NAALADL2: variants seen among roughly 807,000 people sequenced by gnomAD.
The protein encoded by NAALADL2 is inactive N-acetylated-alpha-linked acidic dipeptidase-like protein 2.
Under a neutral mutation model 87.2 loss-of-function variants are expected in NAALADL2, and 76 were observed. That is an observed-to-expected ratio of 0.87 (90% CI 0.72 to 1.05). NAALADL2 has a LOEUF of 1.05. Among genes scored for constraint, NAALADL2 ranks in the 50% least tolerant of loss-of-function variants. The probability of loss-of-function intolerance (pLI) is 0.00; values close to 1 mark genes in which losing one functional copy is unlikely to be tolerated. For missense variants in NAALADL2, 1,089 were observed against 945.8 expected (o/e 1.15, Z -1.99); for synonymous variants, 354 against 331.0 (o/e 1.07, Z -0.75).
At chr3:174,968,017 C>A (rs1436354331) in intron 1 of NAALADL2, among the ~76,000 whole-genome samples, 3 of 152,172 alleles carry the variant, frequency 2.0e-5, no homozygotes, top group African/African-American at 4.8e-5. Context: ...TATTTTAAGT[C>A]TCCCTTCACC....
chr3:175,017,869 T>C (rs73883308), intron 1 of NAALADL2, among the ~76,000 whole-genome samples: 6,732 of 152,176 alleles, frequency 0.044, 481 homozygotes, highest in African/African-American at 0.15. Flanking sequence ...TGGGCAGCTT[T>C]TGAGACACAT....
chr3:175,148,291 G>A (rs1161306099), intron 2 of NAALADL2, among the ~76,000 whole-genome samples: 1 of 151,442 alleles, frequency 6.6e-6, no homozygotes, highest in South Asian at 2.1e-4. Flanking sequence ...TTTTTAATGG[G>A]GTTATTGGTT....
At chr3:175,089,174 T>C (rs537190684) in intron 1 of NAALADL2, among the ~76,000 whole-genome samples, 4 of 151,724 alleles carry the variant, frequency 2.6e-5, no homozygotes, top group Non-Finnish European at 4.4e-5. Context: ...GGAGGGAAAA[T>C]AAAAAGATCT....
At chr3:174,711,921 T>A (rs1220289999) in intron 2 of NAALADL2, among the ~76,000 whole-genome samples, 1 of 152,156 alleles carries the variant, frequency 6.6e-6, no homozygotes, top group East Asian at 1.9e-4. Flanking sequence ...TGCCTCAGCC[T>A]CCCGAGTAGC....
At chr3:175,741,618 C>A (rs138781402) in intron 12 of NAALADL2, among the ~76,000 whole-genome samples, 2,066 of 151,588 alleles carry the variant, frequency 0.014, 59 homozygotes, top group South Asian at 0.13. Flanking sequence ...AAGTGAAAAA[C>A]CATGAAAATA....
intron 11 of NAALADL2, among the ~76,000 whole-genome samples, chr3:175,716,681 A>C (rs1405919896): frequency 2.0e-5 from 3 of 152,104 alleles, no homozygotes; most frequent in Admixed American, 1.3e-4. Context: ...GAGAGTGAAG[A>C]CCAGATTGTT....
intron 5 of NAALADL2, among the ~76,000 whole-genome samples, chr3:175,366,286 C>G (rs1011430688): frequency 6.6e-6 from 1 of 151,138 alleles, no homozygotes; most frequent in African/African-American, 2.4e-5. Context: ...GGTTCCAAGT[C>G]TTTGCTATTG....
intron 1 of NAALADL2, among the ~76,000 whole-genome samples, chr3:174,988,692 G>C (rs1746307118): frequency 1.3e-5 from 2 of 152,096 alleles, no homozygotes; most frequent in South Asian, 2.1e-4. Flanking sequence ...GCATAACTCT[G>C]ATCTCCACAT....
At chr3:175,379,868 G>A (rs1005614593) in intron 5 of NAALADL2, among the ~76,000 whole-genome samples, 1 of 152,120 alleles carries the variant, frequency 6.6e-6, no homozygotes, top group African/African-American at 2.4e-5. Flanking sequence ...ATGCCACAGA[G>A]GGATTGGTGG....
At chr3:174,469,038 C>A (rs1577974378) in intron 1 of NAALADL2, among the ~76,000 whole-genome samples, 1 of 152,186 alleles carries the variant, frequency 6.6e-6, no homozygotes, top group South Asian at 2.1e-4. Flanking sequence ...GCTGGGATTA[C>A]AGGCGTGAGC....
At chr3:175,095,420 G>C (rs757125733) in intron 1 of NAALADL2, among the ~76,000 whole-genome samples, 4 of 151,960 alleles carry the variant, frequency 2.6e-5, no homozygotes, top group Non-Finnish European at 4.4e-5. Flanking sequence ...ATCTCTGCCT[G>C]ACATGCATTA....
At chr3:175,448,544 C>T (rs574820566) in intron 6 of NAALADL2, among the ~76,000 whole-genome samples, 2 of 152,332 alleles carry the variant, frequency 1.3e-5, no homozygotes, top group South Asian at 4.1e-4. Flanking sequence ...AAGGAGCTGA[C>T]AGTCTCTGTG....
At chr3:174,585,518 C>G (rs1716607553) in intron 2 of NAALADL2, among the ~76,000 whole-genome samples, 1 of 152,158 alleles carries the variant, frequency 6.6e-6, no homozygotes, top group South Asian at 2.1e-4. Context: ...TGCCTAAATT[C>G]ATTTTCAATT....
intron 3 of NAALADL2, among the ~76,000 whole-genome samples, chr3:174,769,394 G>A (rs7642571): frequency 0.23 from 35,623 of 151,656 alleles, 4,365 homozygotes; most frequent in Middle Eastern, 0.3. Context: ...TGCCTGTGTT[G>A]TTTGAGTGAG....
intron 11 of NAALADL2, among the ~76,000 whole-genome samples, chr3:175,664,176 G>A (rs1456192877): frequency 1.3e-5 from 2 of 151,978 alleles, no homozygotes; most frequent in African/African-American, 2.4e-5. Context: ...TTATCTTTGT[G>A]CATCTACATC....
rs1560036200 is a variant in NAALADL2, at chr3:175,107,534, A to AC, written c.545+10243_545+10244insC. Among the ~76,000 whole-genome samples, 289 of 149,054 alleles carry AC rather than the reference A, an allele frequency of 1.9e-3. 2 individuals are homozygous for AC. Among genetic ancestry groups the AC allele is most frequent in the African/African-American group, 4.7e-3 (183 of 39,306 alleles). On this transcript the variant is annotated intron_variant, in intron 2 of 13. Coordinates refer to ENST00000454872, the MANE Select transcript of NAALADL2 (RefSeq NM_207015.3). ...CATACACACACACACACACACACAC[A>AC]AACACACACACACACATCCTATACG... is the stretch of plus-strand genomic sequence containing the variant.
intron 5 of NAALADL2, among the ~76,000 whole-genome samples, chr3:175,416,742 G>T (rs1289174613): frequency 6.6e-6 from 1 of 151,994 alleles, no homozygotes; most frequent in Non-Finnish European, 1.5e-5. Context: ...CATTCAAATT[G>T]TTTGCATTAC....
intron 3 of NAALADL2, among the ~76,000 whole-genome samples, chr3:174,793,685 C>A (rs1387999137): frequency 1.3e-5 from 2 of 152,082 alleles, no homozygotes; most frequent in African/African-American, 4.8e-5. Flanking sequence ...CATTAAAAAT[C>A]CGTGATCTTA....
chr3:174,779,309 C>T lies in NAALADL2; in HGVS notation c.-9+41563C>T, dbSNP rs772141238. Among the ~76,000 whole-genome samples the T allele has an allele frequency of 2.9e-4, 43 of 147,658 alleles. 1 individual carries two copies. The highest frequency in any genetic ancestry group is 7.5e-5 in the Non-Finnish European group (5 of 66,490). On this transcript the variant is annotated intron_variant, in intron 3 of 3. Coordinates refer to the NAALADL2 transcript ENST00000434257. Reference sequence around the variant, plus strand: ...GAAGTGTCTGTGCATATCCTTTGTCCACTTTTGATGGGGTTGTTTTTTTCT... The same window carrying T: ...GAAGTGTCTGTGCATATCCTTTGTCTACTTTTGATGGGGTTGTTTTTTTCT...
Sources: gnomAD v4.1 joint callset for allele counts (sites outside exome capture counted in the v4.1 genomes callset) on GRCh38, gnomAD v4.1.1 for gene constraint, MANE v1.5 for transcripts, NCBI Gene and HGNC (gene_info 2026-07-23, HGNC 2026-07-21) for gene names.